ZZEF1: variants seen among roughly 807,000 people sequenced by gnomAD.
ZZEF1 encodes zinc finger ZZ-type and EF-hand domain containing 1, also known as zinc finger ZZ-type and EF-hand domain-containing protein 1.
Under a neutral mutation model 342.8 loss-of-function variants are expected in ZZEF1, and 157 were observed. The observed-to-expected ratio is 0.46, with a 90% confidence interval of 0.40 to 0.52. ZZEF1 has a LOEUF of 0.52. Among genes scored for constraint, ZZEF1 ranks in the 20% least tolerant of loss-of-function variants. ZZEF1 has a pLI of 0.00. For synonymous variants in ZZEF1, 1,505 were observed against 1,429.1 expected (o/e 1.05, Z -1.20); for missense variants, 3,480 against 3,725.6 (o/e 0.93, Z 1.72).
Position 4,021,225 on chromosome 17 carries a change from T to C in ZZEF1, c.7308A>G (p.Glu2436=), listed in dbSNP as rs752777890. ...LELDERGDRE[E]EVERPVSSPG... ...GGCTGCTGACTGGCCGTTCCACCTC[T>C]TCCTCTCGGTCCCCTCGCTCATCCA... Residue 2436 remains glutamate, a synonymous_variant, in exon 45 of 55, where the codon GAA becomes GAG. Transcript: ENST00000381638. The C allele has an allele frequency of 1.9e-6, 3 of 1,614,078 alleles. No homozygotes were observed. The East Asian group carries it at 6.7e-5, about 36-fold the overall frequency.
chr17:4,087,768 TAG>T (rs2057861148), intron 13 of ZZEF1, among the ~76,000 whole-genome samples: 1 of 144,716 alleles, frequency 6.9e-6, no homozygotes. Flanking sequence ...TAAGTGTATA[TAG>T]ATATATACAC....
At chr17:4,076,461 G>A in intron 21 of ZZEF1, 176 bp downstream of exon 21, 1 of 769,880 alleles carries the variant, frequency 1.3e-6, no homozygotes, top group Non-Finnish European at 2.0e-6. Context: ...TGCTGACCAG[G>A]CCACATCGAC....
chr17:4,107,684 G>GT (rs1409014613), intron 6 of ZZEF1, among the ~76,000 whole-genome samples: 4 of 152,316 alleles, frequency 2.6e-5, no homozygotes, highest in Admixed American at 1.3e-4. Flanking sequence ...GGCGAACTGA[G>GT]TAAGTACAAA....
chr17:4,116,987 C>T lies in ZZEF1; in HGVS notation c.679G>A (p.Val227Ile), dbSNP rs1364265400. The change falls in exon 3 of 55, where the codon GTA becomes ATA. Residue 227 changes from valine to isoleucine, a missense_variant. By Grantham distance (29) the Val-to-Ile change is conservative. Around this residue, in one of 5 missense-constraint regions of ZZEF1, gnomAD observed 416 missense variants for 374.2 expected, o/e 1.11. Coordinates refer to ENST00000381638, the MANE Select transcript of ZZEF1 (RefSeq NM_015113.4). ...ACACACATACCCTTTTCCTTTTGTA[C>T]CAGCTGATCCAGAGACTCCTTCAGG... ...SVLKESLDQL[V>I]QKEKESPGDL... is the part of the protein sequence containing the mutation. 3.1e-6 allele frequency: 5 copies of T among 1,608,706 alleles called. No individual in the cohort carries two copies. Among genetic ancestry groups the T allele is most frequent in the Admixed American group, 1.7e-5 (1 of 59,448 alleles).
intron 28 of ZZEF1, among the ~76,000 whole-genome samples, chr17:4,065,509 C>T (rs2057374767): frequency 6.6e-6 from 1 of 152,010 alleles, no homozygotes; most frequent in Admixed American, 6.6e-5. Context: ...CAAAATCTCG[C>T]CAGTACTATC....
chr17:4,007,385 C>T (rs1597741795), intron 54 of ZZEF1, among the ~76,000 whole-genome samples: 2 of 152,338 alleles, frequency 1.3e-5, no homozygotes, highest in African/African-American at 4.8e-5. Context: ...AGGCCAGGCC[C>T]GTCAGGCCTT....
chr17:4,086,444 A>G, intron 15 of ZZEF1, 42 bp downstream of exon 15: 1 of 1,607,236 alleles, frequency 6.2e-7, no homozygotes, highest in East Asian at 2.2e-5. Context: ...CCTTCACGCT[A>G]CCTACACAGG....
rs1328473977 is a variant in ZZEF1, at chr17:4,006,619, C to A, written c.*271G>T. ...CTGCAGTGACAGCCTCTGGAGAAGGCTGGTCTCTGAACCTTCTTAAGGGCC... is the reference window on the plus strand; with the variant it reads ...CTGCAGTGACAGCCTCTGGAGAAGGATGGTCTCTGAACCTTCTTAAGGGCC... On this transcript the variant is annotated 3_prime_UTR_variant, in exon 55 of 55. Transcript: ENST00000381638. 1 of 489,522 alleles carries A rather than the reference C, an allele frequency of 2.0e-6. No individual in the cohort carries two copies. The highest frequency in any genetic ancestry group is 3.7e-6 in the Non-Finnish European group (1 of 269,008). 30.3% of individuals were successfully genotyped at this position (489,522 alleles called of 1,614,324 possible).
At chr17:4,112,496 T>C (rs1643135459) in intron 5 of ZZEF1, 113 bp downstream of exon 5, 2 of 1,048,318 alleles carry the variant, frequency 1.9e-6, no homozygotes, top group Admixed American at 4.0e-5. Context: ...TGAACACTTT[T>C]GTGTACGTCC....
intron 52 of ZZEF1, among the ~76,000 whole-genome samples, chr17:4,010,879 C>G (rs1016303778): frequency 6.6e-6 from 1 of 152,034 alleles, no homozygotes; most frequent in Non-Finnish European, 1.5e-5. Context: ...CAGCAGTTGA[C>G]CCTATCAGCT....
intron 17 of ZZEF1, among the ~76,000 whole-genome samples, chr17:4,081,815 C>T (rs1411835155): frequency 2.7e-5 from 4 of 147,534 alleles, no homozygotes; most frequent in East Asian, 2.0e-4. Context: ...GCTAAACGTT[C>T]CTTGTGTCTT....
intron 40 of ZZEF1, 93 bp from the exon 41 acceptor site, chr17:4,033,095 TC>T: frequency 7.9e-7 from 1 of 1,262,668 alleles, no homozygotes. Flanking sequence ...CCAGAAGCCT[TC>T]AAAGAGCCAT....
chr17:4,132,828 T>C (rs971402063), intron 1 of ZZEF1, among the ~76,000 whole-genome samples: 9 of 151,098 alleles, frequency 6.0e-5, no homozygotes, highest in Admixed American at 2.6e-4. Context: ...TAGCCGGGTG[T>C]GGTGGCGGGC....
intron 1 of ZZEF1, among the ~76,000 whole-genome samples, chr17:4,141,530 C>CA (rs1300307464): frequency 1.3e-5 from 2 of 151,930 alleles, no homozygotes; most frequent in Admixed American, 1.3e-4. Context: ...ACATTAAAAA[C>CA]AAAAAATAGG....
At position 4,078,264 on chromosome 17, in the gene ZZEF1, C is replaced by T. The variant is rs189303241; in HGVS notation, c.2830-222G>A. Among the ~76,000 whole-genome samples the T allele has an allele frequency of 2.2e-4, 33 of 152,242 alleles. 1 individual carries two copies. The East Asian group carries it at 4.1e-3, about 19-fold the overall frequency. ...GAACCTTTACAAAGGTTTTTTATTC[C>T]ACATGACATCTCCTTCTACCACCTC... On this transcript the variant is annotated intron_variant, in intron 18 of 54. Coordinates refer to ENST00000381638, the MANE Select transcript of ZZEF1 (RefSeq NM_015113.4).
chr17:4,055,762 G>C (rs1355805611), intron 33 of ZZEF1, among the ~76,000 whole-genome samples: 1 of 152,202 alleles, frequency 6.6e-6, no homozygotes, highest in African/African-American at 2.4e-5. Flanking sequence ...AGGATTTATA[G>C]CCCCTCAGGT....
chr17:4,032,796 G>T, intron 41 of ZZEF1, 32 bp downstream of exon 41: 1 of 1,608,488 alleles, frequency 6.2e-7, no homozygotes, highest in South Asian at 1.1e-5. Context: ...TGGAAGGGGT[G>T]ACCAGGCCCT....
At position 4,086,518 on chromosome 17, in the gene ZZEF1, G is replaced by T. The variant is rs2057828334; in HGVS notation, c.2480C>A (p.Ala827Asp). The change falls in exon 15 of 55, where the codon GCT becomes GAT. Residue 827 changes from alanine to aspartate, a missense_variant. Around this residue, in one of 5 missense-constraint regions of ZZEF1, gnomAD observed 1,528 missense variants for 1,624.1 expected, o/e 0.94. Coordinates refer to ENST00000381638, the MANE Select transcript of ZZEF1 (RefSeq NM_015113.4). ...CAAGTGTGTGTACAGCTCCTTGGCA[G>T]CCTCTACTCCTTTAGGGCTTTGGAT... ...APIQSPKGVE[A>D]AKELYTHLCD... The T allele has an allele frequency of 1.2e-6, 2 of 1,614,196 alleles. No individual in the cohort carries two copies. Among genetic ancestry groups the T allele is most frequent in the Non-Finnish European group, 1.7e-6 (2 of 1,180,028 alleles).
At chr17:4,043,244 C>T (rs1474059066) in intron 38 of ZZEF1, among the ~76,000 whole-genome samples, 1 of 152,134 alleles carries the variant, frequency 6.6e-6, no homozygotes, top group Non-Finnish European at 1.5e-5. Context: ...TCTCAAGCAC[C>T]TAGAGGTGTT....
Sources: allele counts gnomAD v4.1 joint callset (sites outside exome capture counted in the v4.1 genomes callset), GRCh38; gene constraint gnomAD v4.1.1; regional missense constraint gnomAD v4.1.1; transcripts MANE v1.5; gene names NCBI Gene and HGNC (gene_info 2026-07-23, HGNC 2026-07-21).